Variants in CTNNA3 observed in about 807,000 individuals in gnomAD.
The protein encoded by CTNNA3 is catenin alpha 3, also known as catenin alpha-3.
In CTNNA3, 76 loss-of-function variants were observed where a neutral mutation model predicts 95.7. The observed-to-expected ratio is 0.79, with a 90% confidence interval of 0.66 to 0.96. CTNNA3 has a LOEUF of 0.96. Ranked by LOEUF, CTNNA3 falls within the 40% of genes least tolerant of loss-of-function variation. The pLI, the probability that CTNNA3 is intolerant of heterozygous loss-of-function variation, is 0.00. For synonymous variants in CTNNA3, 431 were observed against 374.4 expected, an observed-to-expected ratio of 1.15 and a Z score of -1.74; for missense variants, 1,191 against 1,089.8, an observed-to-expected ratio of 1.09 and a Z score of -1.31.
rs1564841102 is a variant in CTNNA3 at position 67,726,415 on chromosome 10, AATATTATAT to A, written c.-2+37010_-2+37018del. Among the ~76,000 whole-genome samples the A allele has an allele frequency of 5.1e-5, 3 of 58,972 alleles. No individual in the cohort carries two copies. In the South Asian group the frequency reaches 1.8e-3, roughly 36 times the overall value. 38.7% of individuals were successfully genotyped at this position (58,972 alleles called of 152,430 possible). The stretch of plus-strand genomic sequence containing the variant: ...ATATATTATATATTATATCATATAT[AATATTATAT>A]ATTATATCATATATAATATATAATA... On this transcript the variant is annotated intron_variant, in intron 1 of 17. Transcript: ENST00000684154.
rs1160996707 is a variant in CTNNA3, at chr10:66,845,725, A to AAAAAAAAAAAAAAAAC, written c.1048-70202_1048-70201insGTTTTTTTTTTTTTTT. ...TCTCAAAAAAAAAAAAAAAAAAAAA[A>AAAAAAAAAAAAAAAAC]AAAACTAAAAAGGTGAGATATATAT... On this transcript the variant is annotated intron_variant, in intron 7 of 17. Transcript: ENST00000433211. 5.0e-5 allele frequency among the ~76,000 whole-genome samples: 5 copies of AAAAAAAAAAAAAAAAC among 100,340 alleles called. 1 individual carries two copies. Among genetic ancestry groups the AAAAAAAAAAAAAAAAC allele is most frequent in the South Asian group, 3.9e-4 (1 of 2,540 alleles). 65.8% of individuals were successfully genotyped at this position (100,340 alleles called of 152,430 possible). A position where few individuals can be genotyped will look rare whatever the true frequency, so the allele number is the denominator to read the frequency against.
chr10:66,182,988 C>T (rs1323368425), intron 13 of CTNNA3, among the ~76,000 whole-genome samples: 1 of 152,200 alleles, frequency 6.6e-6, no homozygotes, highest in South Asian at 2.1e-4. Context: ...AGGCCTCACC[C>T]AGCAGAGTGT....
At chr10:66,639,313 G>C (rs753463214) in intron 9 of CTNNA3, among the ~76,000 whole-genome samples, 4 of 152,114 alleles carry the variant, frequency 2.6e-5, no homozygotes, top group Non-Finnish European at 4.4e-5. Context: ...CTGCATCCTA[G>C]TTACAGTGGC....
Position 67,257,635 on chromosome 10 carries a change from T to C in CTNNA3, c.580-37765A>G, listed in dbSNP as rs1179724460. On this transcript the variant is annotated intron_variant, in intron 5 of 17. Transcript: ENST00000433211. ...CACAAAACGCAAGTACAAAGTTCTC[T>C]TAAACAGCGGGTGGACTAGTGTTTC... Among the ~76,000 whole-genome samples, 3 of 152,216 alleles carry C rather than the reference T, an allele frequency of 2.0e-5. No individual in the cohort carries two copies. The East Asian group carries it at 5.8e-4, about 29-fold the overall frequency.
chr10:66,775,170 GA>G (rs1470466515), intron 8 of CTNNA3, among the ~76,000 whole-genome samples: 1 of 152,088 alleles, frequency 6.6e-6, no homozygotes, highest in Non-Finnish European at 1.5e-5. Context: ...TCAGAGAGCT[GA>G]AATATGTGCC....
intron 7 of CTNNA3, among the ~76,000 whole-genome samples, chr10:66,961,847 C>T (rs1849124020): frequency 6.6e-6 from 1 of 152,086 alleles, no homozygotes; most frequent in Non-Finnish European, 1.5e-5. Flanking sequence ...AAACCTATTC[C>T]TCCTCTAATA....
intron 5 of CTNNA3, among the ~76,000 whole-genome samples, chr10:67,386,218 A>G (rs1208438750): frequency 6.6e-6 from 1 of 152,254 alleles, no homozygotes; most frequent in East Asian, 1.9e-4. Context: ...AAAATATGCA[A>G]TAAGTTATTT....
At chr10:67,305,921 C>T (rs544438818) in intron 5 of CTNNA3, among the ~76,000 whole-genome samples, 1 of 152,258 alleles carries the variant, frequency 6.6e-6, no homozygotes, top group Non-Finnish European at 1.5e-5. Context: ...ACACCCAAAA[C>T]AAGCGTTTGA....
At chr10:67,354,403 C>T (rs1842737526) in intron 5 of CTNNA3, among the ~76,000 whole-genome samples, 1 of 152,030 alleles carries the variant, frequency 6.6e-6, no homozygotes, top group Non-Finnish European at 1.5e-5. Context: ...AGGATAAATG[C>T]TGCAAATATC....
chr10:67,035,552 C>A (rs923110335), intron 7 of CTNNA3, among the ~76,000 whole-genome samples: 1 of 151,936 alleles, frequency 6.6e-6, no homozygotes. Context: ...AATTCTAACT[C>A]GGAGAACTTT....
chr10:66,488,076 G>A (rs77366355), intron 11 of CTNNA3, among the ~76,000 whole-genome samples: 5,529 of 152,060 alleles, frequency 0.036, 357 homozygotes, highest in African/African-American at 0.13. Flanking sequence ...GTTTCCCTTC[G>A]AATTCTGCCA....
At chr10:66,346,232 TATATATATATATATAG>T (rs1292250638) in intron 12 of CTNNA3, among the ~76,000 whole-genome samples, 1,062 of 61,166 alleles carry the variant, frequency 0.017, 2 homozygotes, top group Middle Eastern at 0.047. Context: ...TATATATATA[TATATATATATATATAG>T]AGAGAGAGAG....
intron 7 of CTNNA3, among the ~76,000 whole-genome samples, chr10:66,890,451 C>A (rs1231572884): frequency 6.6e-6 from 1 of 150,616 alleles, no homozygotes; most frequent in African/African-American, 2.4e-5. Context: ...GCTAGGAGGG[C>A]AAGAAAGGAG....
At chr10:66,133,400 AG>A (rs1341701937) in intron 13 of CTNNA3, among the ~76,000 whole-genome samples, 3 of 152,024 alleles carry the variant, frequency 2.0e-5, no homozygotes, top group Non-Finnish European at 4.4e-5. Context: ...CTGTCATCCC[AG>A]CTATGGGGGA....
chr10:66,687,013 T>C (rs945083144), intron 9 of CTNNA3, among the ~76,000 whole-genome samples: 1 of 152,124 alleles, frequency 6.6e-6, no homozygotes, highest in African/African-American at 2.4e-5. Context: ...TCAAAGAACT[T>C]GATGATATCT....
At chr10:66,195,917 C>T (rs1449617240) in intron 13 of CTNNA3, among the ~76,000 whole-genome samples, 1 of 152,212 alleles carries the variant, frequency 6.6e-6, no homozygotes, top group East Asian at 1.9e-4. Context: ...AAAGAACTGC[C>T]ATTTGTGTGT....
At chr10:66,689,190 G>A (rs35834193) in intron 9 of CTNNA3, among the ~76,000 whole-genome samples, 27,078 of 151,926 alleles carry the variant, frequency 0.18, 3,059 homozygotes, top group East Asian at 0.34. Flanking sequence ...TAGGGCAGAG[G>A]GGGAATGAAG....
chr10:67,260,691 T>C (rs182080907), intron 5 of CTNNA3, among the ~76,000 whole-genome samples: 16 of 152,036 alleles, frequency 1.1e-4, no homozygotes, highest in African/African-American at 3.6e-4. Context: ...TTGTTTTTTT[T>C]TTGTTTTTTT....
At chr10:66,027,838 A>G (rs570824224) in intron 15 of CTNNA3, among the ~76,000 whole-genome samples, 32 of 152,346 alleles carry the variant, frequency 2.1e-4, no homozygotes, top group African/African-American at 7.5e-4. Flanking sequence ...GCCAAAATTT[A>G]TCTCTCAAGC....
Sources: gnomAD v4.1 joint callset for allele counts (sites outside exome capture counted in the v4.1 genomes callset) on GRCh38, gnomAD v4.1.1 for gene constraint, MANE v1.5 for transcripts, NCBI Gene and HGNC (gene_info 2026-07-23, HGNC 2026-07-21) for gene names.